The following WDR70 variants were observed in gnomAD, a reference collection of about 807,000 sequenced individuals.
WDR70 encodes WD repeat-containing protein 70.
Under a neutral mutation model 88.6 loss-of-function variants are expected in WDR70, and 53 were observed. That is an observed-to-expected ratio of 0.60 (90% CI 0.48 to 0.75). WDR70 has a LOEUF of 0.75. Among genes scored for constraint, WDR70 ranks in the 30% least tolerant of loss-of-function variants. The pLI is 0.00. For synonymous variants in WDR70, 280 were observed against 270.0 expected (o/e 1.04, Z -0.36); for missense variants, 610 against 823.2 (o/e 0.74, Z 3.17).
intron 9 of WDR70, among the ~76,000 whole-genome samples, chr5:37,593,471 A>G (rs1032016253): frequency 3.3e-5 from 5 of 152,210 alleles, no homozygotes; most frequent in Non-Finnish European, 7.3e-5. Context: ...CCTGCAAAGG[A>G]CATGAACTCA....
chr5:37,574,342 G>A (rs1180003776), intron 9 of WDR70, among the ~76,000 whole-genome samples: 1 of 152,136 alleles, frequency 6.6e-6, no homozygotes, highest in Non-Finnish European at 1.5e-5. Flanking sequence ...ACAGCTGAAT[G>A]GCAAGTTGTT....
intron 5 of WDR70, among the ~76,000 whole-genome samples, chr5:37,409,012 C>T (rs956579977): frequency 1.1e-4 from 16 of 152,018 alleles, no homozygotes; most frequent in South Asian, 2.1e-4. Flanking sequence ...GATCTTGGCT[C>T]GCTGCAACCT....
At position 37,432,700 on chromosome 5, in the gene WDR70, AGCCACCG is replaced by A. The variant is rs1228188994; in HGVS notation, c.493-5221_493-5215del. 1.5e-3 allele frequency among the ~76,000 whole-genome samples: 229 copies of A among 149,572 alleles called. 1 individual carries two copies. The highest frequency in any genetic ancestry group is 5.5e-3 in the African/African-American group (220 of 40,334). ...CATGAGCCACCGCGCCCGGCCTTTG[AGCCACCG>A]CGCCCGGCCTTTCTGGCTAACTTTT... On this transcript the variant is annotated intron_variant, in intron 5 of 17. Coordinates refer to ENST00000265107, the MANE Select transcript of WDR70 (RefSeq NM_018034.4).
intron 5 of WDR70, among the ~76,000 whole-genome samples, chr5:37,425,040 G>A (rs1340011359): frequency 2.0e-5 from 3 of 152,206 alleles, no homozygotes; most frequent in Non-Finnish European, 4.4e-5. Context: ...GAGCCCAGGA[G>A]TTCAAGAATA....
chr5:37,480,379 C>T (rs908159381), intron 8 of WDR70, among the ~76,000 whole-genome samples: 1 of 152,136 alleles, frequency 6.6e-6, no homozygotes, highest in African/African-American at 2.4e-5. Context: ...AGTCTGTTCT[C>T]ATGCTGCTAA....
At chr5:37,742,783 A>G (rs1330914586) in intron 17 of WDR70, among the ~76,000 whole-genome samples, 1 of 152,184 alleles carries the variant, frequency 6.6e-6, no homozygotes, top group Non-Finnish European at 1.5e-5. Flanking sequence ...GTATGTGGAT[A>G]TACACTTTTG....
At chr5:37,535,801 T>C (rs1741648905) in intron 9 of WDR70, among the ~76,000 whole-genome samples, 1 of 152,234 alleles carries the variant, frequency 6.6e-6, no homozygotes, top group Non-Finnish European at 1.5e-5. Context: ...TGTTATTACA[T>C]ATTCTAAATG....
At chr5:37,499,535 A>T (rs13189239) in intron 8 of WDR70, among the ~76,000 whole-genome samples, 9 of 130,226 alleles carry the variant, frequency 6.9e-5, no homozygotes, top group Non-Finnish European at 1.3e-4. Flanking sequence ...TTTTTTTAAA[A>T]ATATATATAT....
intron 10 of WDR70, among the ~76,000 whole-genome samples, chr5:37,671,440 C>T (rs550688249): frequency 2.2e-4 from 34 of 152,180 alleles, no homozygotes; most frequent in African/African-American, 7.9e-4. Flanking sequence ...GGTTGCAAGG[C>T]ATATTATTTT....
intron 9 of WDR70, among the ~76,000 whole-genome samples, chr5:37,524,757 C>T (rs1405787387): frequency 6.6e-6 from 1 of 152,112 alleles, no homozygotes; most frequent in Non-Finnish European, 1.5e-5. Flanking sequence ...CAGAGACACA[C>T]ATAGGCTCAA....
At chr5:37,473,446 C>T (rs940654716) in intron 7 of WDR70, among the ~76,000 whole-genome samples, 4 of 151,086 alleles carry the variant, frequency 2.6e-5, no homozygotes, top group Non-Finnish European at 5.9e-5. Flanking sequence ...TGGGTTCAAG[C>T]GATTCTCCTG....
chr5:37,592,729 A>G (rs1040523339), intron 9 of WDR70, among the ~76,000 whole-genome samples: 4 of 152,378 alleles, frequency 2.6e-5, no homozygotes, highest in Middle Eastern at 3.4e-3. Flanking sequence ...GAAAAAAGCA[A>G]TGATGTTAAC....
At chr5:37,452,525 C>A (rs1373202227) in intron 7 of WDR70, among the ~76,000 whole-genome samples, 5 of 152,172 alleles carry the variant, frequency 3.3e-5, no homozygotes, top group Admixed American at 2.6e-4. Context: ...CTTGGCCTCC[C>A]AAAGTGCTGG....
At chr5:37,542,348 C>T (rs1284773403) in intron 9 of WDR70, among the ~76,000 whole-genome samples, 6 of 150,296 alleles carry the variant, frequency 4.0e-5, no homozygotes, top group East Asian at 2.0e-4. Context: ...GGCGTGATCT[C>T]GGCTCACTGC....
At chr5:37,626,083 A>G (rs1744658131) in intron 10 of WDR70, among the ~76,000 whole-genome samples, 3 of 149,436 alleles carry the variant, frequency 2.0e-5, no homozygotes, top group Admixed American at 2.0e-4. Flanking sequence ...GGACATTTTG[A>G]CTTCTCCCTT....
At chr5:37,474,362 C>T (rs1397930761) in intron 7 of WDR70, among the ~76,000 whole-genome samples, 1 of 152,234 alleles carries the variant, frequency 6.6e-6, no homozygotes, top group East Asian at 1.9e-4. Context: ...CCTTATTGCT[C>T]TTCAAAAATT....
At chr5:37,382,093 T>C (rs536974620) in intron 3 of WDR70, among the ~76,000 whole-genome samples, 2 of 146,652 alleles carry the variant, frequency 1.4e-5, no homozygotes, top group South Asian at 4.2e-4. Flanking sequence ...ATGCTACTTA[T>C]CACTGTTGTT....
At chr5:37,396,711 A>G in intron 5 of WDR70, 141 bp downstream of exon 5, 3 of 1,357,076 alleles carry the variant, frequency 2.2e-6, no homozygotes, top group Non-Finnish European at 2.9e-6. Flanking sequence ...AACACCTGTA[A>G]TCCCAGTTAC....
chr5:37,449,604 TAAAAAATAA>T (rs1315788116), intron 7 of WDR70, among the ~76,000 whole-genome samples: 1,590 of 95,444 alleles, frequency 0.017, 16 homozygotes, highest in Non-Finnish European at 0.024. Flanking sequence ...AAAAAAAAAA[TAAAAAATAA>T]AAAATAAATA....
Sources: gnomAD v4.1 joint callset for allele counts (sites outside exome capture counted in the v4.1 genomes callset) on GRCh38, gnomAD v4.1.1 for gene constraint, MANE v1.5 for transcripts, NCBI Gene and HGNC (gene_info 2026-07-23, HGNC 2026-07-21) for gene names.